SHB: variants seen among roughly 807,000 people sequenced by gnomAD.
The protein encoded by SHB is SH2 domain containing adaptor protein B.
A neutral mutation model predicts 52.3 loss-of-function variants in SHB; 20 were observed. That is an observed-to-expected ratio of 0.38 (90% confidence interval 0.27 to 0.56). The LOEUF (loss-of-function observed/expected upper bound fraction) is 0.56. Among genes scored for constraint, SHB ranks in the 20% least tolerant of loss-of-function variants. The pLI, the probability that SHB is intolerant of heterozygous loss-of-function variation, is 0.71. For synonymous variants in SHB, 397 were observed against 316.5 expected (o/e 1.25, Z -2.70); for missense variants, 825 against 723.3 (o/e 1.14, Z -1.61).
At chr9:38,063,941 T>C (rs1054998493) in intron 1 of SHB, among the ~76,000 whole-genome samples, 1 of 152,136 alleles carries the variant, frequency 6.6e-6, no homozygotes, top group Non-Finnish European at 1.5e-5. Context: ...GGAAAACTGA[T>C]GTCATGATGC....
chr9:37,980,383 TA>T (rs1337257820), intron 2 of SHB, among the ~76,000 whole-genome samples: 1 of 152,250 alleles, frequency 6.6e-6, no homozygotes, highest in Non-Finnish European at 1.5e-5. Flanking sequence ...TGCTCATCCA[TA>T]AGAAGCAACT....
Position 38,024,438 on chromosome 9 carries a change from T to C in SHB, c.718-8307A>G, listed in dbSNP as rs570559659. On this transcript the variant is annotated intron_variant, in intron 1 of 5. Coordinates refer to ENST00000377707, the MANE Select transcript of SHB (RefSeq NM_003028.3). ...CTGCCCCTCCCACGGCCACAGCTGC[T>C]TGCCTAGACACCTGCAGGCTCCGAC... Among the ~76,000 whole-genome samples, 284 of 152,354 alleles carry C rather than the reference T, an allele frequency of 1.9e-3. 2 individuals carry two copies. The highest frequency in any genetic ancestry group is 6.6e-3 in the African/African-American group (274 of 41,584).
intron 2 of SHB, among the ~76,000 whole-genome samples, chr9:37,977,058 T>G (rs1005402418): frequency 1.3e-5 from 2 of 152,238 alleles, no homozygotes; most frequent in Non-Finnish European, 1.5e-5. Context: ...ACTTCATGAC[T>G]TGGGCCATTT....
At chr9:37,963,090 G>A (rs144684270) in intron 3 of SHB, among the ~76,000 whole-genome samples, 8 of 152,290 alleles carry the variant, frequency 5.3e-5, no homozygotes, top group African/African-American at 1.7e-4. Flanking sequence ...CTTCCCCGGC[G>A]GAGGTGCAGT....
At chr9:37,954,049 A>C (rs2117907620) in intron 4 of SHB, among the ~76,000 whole-genome samples, 1 of 152,290 alleles carries the variant, frequency 6.6e-6, no homozygotes, top group East Asian at 1.9e-4. Context: ...TGACCCAGGC[A>C]GACCTGGCCA....
intron 5 of SHB, among the ~76,000 whole-genome samples, chr9:37,947,568 C>T (rs1832507034): frequency 6.6e-6 from 1 of 152,242 alleles, no homozygotes; most frequent in Non-Finnish European, 1.5e-5. Flanking sequence ...TCTGCCCATG[C>T]CTGCCGCCCT....
Position 37,975,773 on chromosome 9 carries a change from T to C in SHB, c.839-936A>G, listed in dbSNP as rs540749978. 8.5e-5 allele frequency among the ~76,000 whole-genome samples: 13 copies of C among 152,308 alleles called. No homozygotes were observed. The South Asian group carries it at 2.3e-3, about 27-fold the overall frequency. On this transcript the variant is annotated intron_variant, in intron 2 of 5. Transcript: ENST00000377707. The stretch of plus-strand genomic sequence containing the variant: ...GAGGTTGGTTTCAGGAACCTCACTG[T>C]TCCCAGCAGACACAACATGTGCCTA...
intron 1 of SHB, among the ~76,000 whole-genome samples, chr9:38,053,102 C>CCT (rs34605634): frequency 0.54 from 82,284 of 151,816 alleles, 22,605 homozygotes; most frequent in Middle Eastern, 0.61. Context: ...AGAGCTGACC[C>CCT]GTCACTGTCC....
intron 1 of SHB, among the ~76,000 whole-genome samples, chr9:38,017,818 A>C (rs540721242): frequency 1.2e-3 from 183 of 152,330 alleles, no homozygotes; most frequent in African/African-American, 4.4e-3. Context: ...CAGGGAAAGA[A>C]GGGGTGGGAG....
chr9:37,934,568 T>C (rs915986487), intron 5 of SHB, among the ~76,000 whole-genome samples: 7 of 152,206 alleles, frequency 4.6e-5, no homozygotes, highest in Non-Finnish European at 1.0e-4. Flanking sequence ...CCCAAAGTGC[T>C]AGGATTACAG....
rs559666876 is a variant in SHB, at chr9:37,960,917, A to G, written c.1055-4863T>C. On this transcript the variant is annotated intron_variant, in intron 3 of 5. Transcript: ENST00000377707. Reference sequence around the variant, plus strand: ...GTCAAGCCCAGGACTGCAGGCCTGCAAGGTCAGGCTCACCCCACCCTTGGG... The same window carrying G: ...GTCAAGCCCAGGACTGCAGGCCTGCGAGGTCAGGCTCACCCCACCCTTGGG... Among the ~76,000 whole-genome samples, 8 of 152,314 alleles carry G rather than the reference A, an allele frequency of 5.3e-5. 1 individual carries two copies. In the South Asian group the frequency reaches 1.7e-3, roughly 32 times the overall value.
At position 38,063,664 on chromosome 9, in the gene SHB, C is replaced by T. The variant is rs552303172; in HGVS notation, c.717+4265G>A. Reference sequence around the variant, plus strand: ...ATTGTCTCTCTGGTTGTATCTGTCTCCCTGACTAGACCGGGAGAAGCTGGT... The same window carrying T: ...ATTGTCTCTCTGGTTGTATCTGTCTTCCTGACTAGACCGGGAGAAGCTGGT... On this transcript the variant is annotated intron_variant, in intron 1 of 5. Transcript: ENST00000377707. 1.4e-4 allele frequency among the ~76,000 whole-genome samples: 22 copies of T among 152,350 alleles called. No individual in the cohort carries two copies. The South Asian group carries it at 4.6e-3, about 32-fold the overall frequency.
intron 2 of SHB, among the ~76,000 whole-genome samples, chr9:37,976,305 G>A (rs543060441): frequency 6.6e-6 from 1 of 152,258 alleles, no homozygotes; most frequent in Non-Finnish European, 1.5e-5. Context: ...CAAAGTGCTG[G>A]GATTACAGGT....
At chr9:37,943,578 C>T (rs1223758687) in intron 5 of SHB, among the ~76,000 whole-genome samples, 2 of 152,222 alleles carry the variant, frequency 1.3e-5, no homozygotes, top group African/African-American at 4.8e-5. Context: ...GGACTGTATG[C>T]AGCCATTAGC....
chr9:37,955,859 T>C, intron 4 of SHB, 24 bp downstream of exon 4: 1 of 1,605,360 alleles, frequency 6.2e-7, no homozygotes, highest in Non-Finnish European at 8.5e-7. Flanking sequence ...GAGGTGAGGT[T>C]GGGCTTTGCT....
At chr9:38,060,995 A>T (rs1362192172) in intron 1 of SHB, among the ~76,000 whole-genome samples, 1 of 152,202 alleles carries the variant, frequency 6.6e-6, no homozygotes, top group Admixed American at 6.5e-5. Flanking sequence ...AGGCCAAATG[A>T]AAGCTAGGAA....
chr9:37,958,997 C>T (rs891716989), intron 3 of SHB, among the ~76,000 whole-genome samples: 1 of 152,144 alleles, frequency 6.6e-6, no homozygotes, highest in Non-Finnish European at 1.5e-5. Flanking sequence ...CATCCTGGAG[C>T]CCCTTTCTAA....
At chr9:37,953,703 G>C (rs1463391508) in intron 4 of SHB, among the ~76,000 whole-genome samples, 1 of 152,178 alleles carries the variant, frequency 6.6e-6, no homozygotes, top group Non-Finnish European at 1.5e-5. Context: ...TGCTAGGGTG[G>C]AGGAGAGGTT....
intron 3 of SHB, among the ~76,000 whole-genome samples, chr9:37,967,236 T>TC: frequency 6.6e-6 from 1 of 152,202 alleles, no homozygotes; most frequent in African/African-American, 2.4e-5. Flanking sequence ...CCCTGGTTCC[T>TC]CCCCATCCTT....
Sources: allele counts gnomAD v4.1 joint callset (sites outside exome capture counted in the v4.1 genomes callset), GRCh38; gene constraint gnomAD v4.1.1; transcripts MANE v1.5; gene names NCBI Gene and HGNC (gene_info 2026-07-23, HGNC 2026-07-21).